Variants in EMCN observed in about 807,000 individuals in gnomAD.
EMCN encodes the protein MUC-14.
A neutral mutation model predicts 38.4 loss-of-function variants in EMCN; 37 were observed. That is an observed-to-expected ratio of 0.96 (90% CI 0.74 to 1.27). The LOEUF is 1.27. Among genes scored for constraint, EMCN ranks in the 50% most tolerant of loss-of-function variants. The probability of loss-of-function intolerance (pLI) is 0.00; values close to 1 mark genes in which losing one functional copy is unlikely to be tolerated. For synonymous variants in EMCN, 95 were observed against 100.8 expected, an observed-to-expected ratio of 0.94 and a Z score of 0.35; for missense variants, 318 against 302.8, an observed-to-expected ratio of 1.05 and a Z score of -0.37.
At chr4:100,478,377 TAAA>T (rs930177354) in intron 2 of EMCN, among the ~76,000 whole-genome samples, 3 of 152,214 alleles carry the variant, frequency 2.0e-5, no homozygotes, top group Non-Finnish European at 2.9e-5. Flanking sequence ...ATTCTCAAAA[TAAA>T]TATCAGATGA....
At chr4:100,456,039 C>T (rs1728008621) in intron 4 of EMCN, among the ~76,000 whole-genome samples, 1 of 152,132 alleles carries the variant, frequency 6.6e-6, no homozygotes, top group Admixed American at 6.5e-5. Flanking sequence ...AAGCGATTTG[C>T]CCACTTTGGA....
intron 5 of EMCN, among the ~76,000 whole-genome samples, chr4:100,428,032 C>G (rs559670880): frequency 2.0e-5 from 3 of 152,208 alleles, no homozygotes; most frequent in Non-Finnish European, 4.4e-5. Flanking sequence ...CTGGTCAAAG[C>G]CACCATCTTC....
intron 1 of EMCN, among the ~76,000 whole-genome samples, chr4:100,483,978 G>A (rs544985215): frequency 6.6e-6 from 1 of 152,194 alleles, no homozygotes; most frequent in South Asian, 2.1e-4. Context: ...AGCAGATAGC[G>A]CTGCTCTTGG....
intron 11 of EMCN, among the ~76,000 whole-genome samples, chr4:100,402,806 TTTTC>T (rs1420771478): frequency 1.3e-5 from 2 of 152,138 alleles, no homozygotes; most frequent in Non-Finnish European, 2.9e-5. Flanking sequence ...TCTATATACC[TTTTC>T]TTTCTTTCTT....
intron 5 of EMCN, among the ~76,000 whole-genome samples, chr4:100,430,709 G>A (rs898620377): frequency 6.6e-6 from 1 of 152,052 alleles, no homozygotes; most frequent in South Asian, 2.1e-4. Flanking sequence ...TTTGAGATTC[G>A]GTAGATCCCT....
chr4:100,474,294 T>G (rs1375111290), intron 3 of EMCN, among the ~76,000 whole-genome samples: 1 of 152,112 alleles, frequency 6.6e-6, no homozygotes, highest in Non-Finnish European at 1.5e-5. Context: ...TAGAGAAATA[T>G]AACTCAGAGT....
chr4:100,474,999 ATATTTTTTAAAATTGTAGAAAAATGAAT>A lies in EMCN; in HGVS notation c.259+11_259+38del. 1.8e-6 allele frequency: 2 copies of A among 1,117,840 alleles called. No individual in the cohort carries two copies. The highest frequency in any genetic ancestry group is 2.6e-6 in the Non-Finnish European group (2 of 775,958). 69.2% of individuals were successfully genotyped at this position (1,117,840 alleles called of 1,614,324 possible). On this transcript the variant is annotated intron_variant, in intron 3 of 11. Coordinates refer to ENST00000296420, the MANE Select transcript of EMCN (RefSeq NM_016242.4). ...GTGACTATTATGTTATGTGAATTAT[ATATTTTTTAAAATTGTAGAAAAATGAAT>A]CATTACTCACCTTCATCTTTACTTG...
chr4:100,486,921 T>G (rs1578226740), intron 1 of EMCN: 10 of 985,336 alleles, frequency 1.0e-5, no homozygotes, highest in Middle Eastern at 5.2e-4. Flanking sequence ...AAATGGATAA[T>G]TCTTCAAAGA....
intron 4 of EMCN, among the ~76,000 whole-genome samples, chr4:100,464,151 AC>A (rs201492342): frequency 0.021 from 3,137 of 151,930 alleles, 111 homozygotes; most frequent in African/African-American, 0.072. Flanking sequence ...CATATTTTAT[AC>A]TTTTTGATGC....
chr4:100,415,807 T>C, intron 10 of EMCN, 91 bp downstream of exon 10: 2 of 848,618 alleles, frequency 2.4e-6, no homozygotes, highest in Non-Finnish European at 3.7e-6. Context: ...AGTTAGGCCT[T>C]TTGTTTATGT....
intron 1 of EMCN, among the ~76,000 whole-genome samples, chr4:100,501,999 T>C (rs553152011): frequency 4.6e-5 from 7 of 152,050 alleles, no homozygotes; most frequent in Non-Finnish European, 8.8e-5. Context: ...GGGTTAAAAG[T>C]AGAAAATTTA....
At chr4:100,443,250 T>G (rs1727572322) in intron 5 of EMCN, among the ~76,000 whole-genome samples, 1 of 152,266 alleles carries the variant, frequency 6.6e-6, no homozygotes, top group African/African-American at 2.4e-5. Context: ...CCATGCTTCC[T>G]TGCTTTCATG....
At chr4:100,445,969 T>C in intron 5 of EMCN, 11 of 705,410 alleles carry the variant, frequency 1.6e-5, no homozygotes, top group Non-Finnish European at 1.9e-5. Flanking sequence ...AAAAATAGCC[T>C]AAATGAGCTT....
chr4:100,435,418 A>G (rs56984604), intron 5 of EMCN, among the ~76,000 whole-genome samples: 4,671 of 152,290 alleles, frequency 0.031, 250 homozygotes, highest in African/African-American at 0.11. Context: ...CATGGATAGG[A>G]AGAATCAATA....
At chr4:100,507,939 A>C (rs1215878677) in intron 1 of EMCN, among the ~76,000 whole-genome samples, 2 of 152,182 alleles carry the variant, frequency 1.3e-5, no homozygotes, top group African/African-American at 4.8e-5. Flanking sequence ...TTACATGCAA[A>C]GTGGACACTT....
chr4:100,480,862 AATC>A (rs1423431003), intron 1 of EMCN, among the ~76,000 whole-genome samples: 1 of 152,004 alleles, frequency 6.6e-6, no homozygotes, highest in Non-Finnish European at 1.5e-5. Context: ...GAGTTGGCAA[AATC>A]ATCATTTCAT....
At chr4:100,456,671 A>G (rs756163598) in intron 4 of EMCN, among the ~76,000 whole-genome samples, 13 of 152,012 alleles carry the variant, frequency 8.6e-5, no homozygotes, top group Non-Finnish European at 1.9e-4. Flanking sequence ...TGATCAAGAG[A>G]CACACTCTGT....
intron 5 of EMCN, among the ~76,000 whole-genome samples, chr4:100,442,288 T>C (rs1080656): frequency 0.28 from 41,976 of 152,140 alleles, 7,425 homozygotes; most frequent in Non-Finnish European, 0.4. Flanking sequence ...TTACATGTGA[T>C]TTGATGCTTT....
intron 1 of EMCN, among the ~76,000 whole-genome samples, chr4:100,516,130 C>T (rs973163907): frequency 1.4e-4 from 21 of 152,106 alleles, no homozygotes; most frequent in African/African-American, 4.8e-4. Context: ...GTTAACAGTT[C>T]ATTAGAAAGA....
Sources: allele counts gnomAD v4.1 joint callset (sites outside exome capture counted in the v4.1 genomes callset), GRCh38; gene constraint gnomAD v4.1.1; transcripts MANE v1.5; gene names NCBI Gene and HGNC (gene_info 2026-07-23, HGNC 2026-07-21).